ATXN1: variants seen among roughly 807,000 people sequenced by gnomAD.
ATXN1 encodes the protein ataxin-1.
Under a neutral mutation model 56.4 loss-of-function variants are expected in ATXN1, and 8 were observed. That is an observed-to-expected ratio of 0.14 (90% CI 0.08 to 0.26). ATXN1 has a LOEUF of 0.26. Ranked by LOEUF, ATXN1 falls within the 10% of genes least tolerant of loss-of-function variation. The pLI, the probability that ATXN1 is intolerant of heterozygous loss-of-function variation, is 1.00. For synonymous variants in ATXN1, 514 were observed against 494.6 expected (o/e 1.04, Z -0.52); for missense variants, 987 against 1,106.5 (o/e 0.89, Z 1.53).
At chr6:16,331,046 G>T (rs1380382205) in intron 6 of ATXN1, among the ~76,000 whole-genome samples, 1 of 152,086 alleles carries the variant, frequency 6.6e-6, no homozygotes, top group Admixed American at 6.5e-5. Flanking sequence ...TGTCGCCCAG[G>T]CTGGAGGGCA....
At chr6:16,729,607 G>C (rs1400899795) in intron 2 of ATXN1, among the ~76,000 whole-genome samples, 1 of 152,188 alleles carries the variant, frequency 6.6e-6, no homozygotes, top group Non-Finnish European at 1.5e-5. Context: ...GGGAGATGTG[G>C]TTTAGCACCA....
intron 4 of ATXN1, among the ~76,000 whole-genome samples, chr6:16,572,932 T>C (rs1581853452): frequency 6.6e-6 from 1 of 152,192 alleles, no homozygotes; most frequent in East Asian, 1.9e-4. Context: ...CTAAGTAGAA[T>C]GGTGATTTAA....
chr6:16,611,933 C>A (rs575637554), intron 3 of ATXN1, among the ~76,000 whole-genome samples: 1 of 134,548 alleles, frequency 7.4e-6, no homozygotes, highest in East Asian at 2.4e-4. Context: ...CATCTCGGCT[C>A]ACTGCAAGCT....
rs201516255 is a variant in ATXN1 at position 16,326,414 on chromosome 6, C to G, written c.1897G>C (p.Val633Leu). 2 of 1,613,590 alleles carry G rather than the reference C, an allele frequency of 1.2e-6. No individual in the cohort carries two copies. Among genetic ancestry groups the G allele is most frequent in the African/African-American group, 1.3e-5 (1 of 74,902 alleles). The change falls in exon 7 of 8, where the codon GTC (valine) becomes CTC (leucine). Residue 633 changes from valine (V) to leucine (L), a missense_variant. Val to Leu is a conservative substitution (Grantham distance 32). This residue lies in a region of ATXN1 where 68 missense variants were observed against 118.1 expected (regional missense o/e 0.58). Coordinates refer to ENST00000436367, the MANE Select transcript of ATXN1 (RefSeq NM_001128164.2). This position sits in a 1 kb window ranked among gnomAD's most constrained non-coding sequence, Gnocchi z 6.6. The part of the protein sequence containing the change: ...SPGVAVIQFA[V>L]GEHRAQVSVE... The stretch of plus-strand genomic sequence containing the variant: ...GTTACCTGGGCTCGGTGCTCCCCGA[C>G]GGCGAACTGTATCACGGCCACGCCC...
chr6:16,648,432 G>A (rs1177628115), intron 3 of ATXN1, among the ~76,000 whole-genome samples: 1 of 152,206 alleles, frequency 6.6e-6, no homozygotes, highest in Non-Finnish European at 1.5e-5. Context: ...TGGCTCTCAT[G>A]AAAGTGCAAC....
intron 6 of ATXN1, among the ~76,000 whole-genome samples, chr6:16,370,491 A>C (rs1412054811): frequency 1.3e-5 from 2 of 152,362 alleles, no homozygotes; most frequent in Non-Finnish European, 2.9e-5. Flanking sequence ...CTTCAAAACT[A>C]ATATTTCTAA....
intron 2 of ATXN1, among the ~76,000 whole-genome samples, chr6:16,678,325 T>C (rs940278298): frequency 6.6e-6 from 1 of 152,268 alleles, no homozygotes; most frequent in African/African-American, 2.4e-5. Context: ...CAGCCAACTA[T>C]TCAATATTTT....
At chr6:16,348,649 T>C (rs1761495805) in intron 6 of ATXN1, among the ~76,000 whole-genome samples, 2 of 151,878 alleles carry the variant, frequency 1.3e-5, no homozygotes, top group Non-Finnish European at 1.5e-5. Flanking sequence ...GAACCAAGAT[T>C]GTACCATTGC....
At chr6:16,451,452 G>C (rs538684915) in intron 6 of ATXN1, among the ~76,000 whole-genome samples, 1 of 151,930 alleles carries the variant, frequency 6.6e-6, no homozygotes, top group African/African-American at 2.4e-5. Flanking sequence ...GCGACAGAGC[G>C]AGACTCCGTC....
intron 6 of ATXN1, among the ~76,000 whole-genome samples, chr6:16,413,911 C>T (rs1758851869): frequency 6.6e-6 from 1 of 152,122 alleles, no homozygotes; most frequent in East Asian, 1.9e-4. Flanking sequence ...CTTTACATTC[C>T]TATAACATAT....
At chr6:16,337,240 A>G (rs1274434132) in intron 6 of ATXN1, among the ~76,000 whole-genome samples, 1 of 152,204 alleles carries the variant, frequency 6.6e-6, no homozygotes, top group Non-Finnish European at 1.5e-5. Context: ...TGCTATTCGT[A>G]GTGAGCAGAT....
chr6:16,471,191 A>AACACATAC (rs1554150511), intron 6 of ATXN1, among the ~76,000 whole-genome samples: 3 of 148,010 alleles, frequency 2.0e-5, no homozygotes, highest in African/African-American at 7.5e-5. Context: ...TGGCAATTAA[A>AACACATAC]ACACACACAC....
intron 2 of ATXN1, among the ~76,000 whole-genome samples, chr6:16,713,564 T>C (rs1051822842): frequency 5.9e-5 from 9 of 152,102 alleles, no homozygotes; most frequent in Non-Finnish European, 2.9e-5. Flanking sequence ...TGAGAAAACA[T>C]AGAGTGGAGT....
At chr6:16,453,129 T>A (rs551103626) in intron 6 of ATXN1, among the ~76,000 whole-genome samples, 50 of 152,312 alleles carry the variant, frequency 3.3e-4, no homozygotes, top group African/African-American at 1.2e-3. Flanking sequence ...CTGTTTTTGG[T>A]GTGTTTCACT....
intron 3 of ATXN1, chr6:16,615,362 C>G (rs1763189177): frequency 6.6e-6 from 1 of 151,214 alleles, no homozygotes; most frequent in African/African-American, 2.4e-5. Context: ...AGAACTGTTA[C>G]TATCAGAGGC....
chr6:16,368,022 T>C (rs975946576), intron 6 of ATXN1, among the ~76,000 whole-genome samples: 1 of 151,890 alleles, frequency 6.6e-6, no homozygotes, highest in Non-Finnish European at 1.5e-5. Context: ...ACATAAAAAT[T>C]AGCCAGACAT....
At chr6:16,632,667 GA>G (rs58059754) in intron 3 of ATXN1, among the ~76,000 whole-genome samples, 11,463 of 148,150 alleles carry the variant, frequency 0.077, 1,451 homozygotes, top group African/African-American at 0.26. Flanking sequence ...GGGGGGTTAA[GA>G]AAAAAAAAAT....
intron 2 of ATXN1, among the ~76,000 whole-genome samples, chr6:16,674,555 CACTGTATT>C: frequency 6.7e-6 from 1 of 149,128 alleles, no homozygotes; most frequent in East Asian, 1.9e-4. Context: ...GACGGGGTTT[CACTGTATT>C]AGCTAGGCTG....
chr6:16,703,631 GTTTCC>G (rs1487577620), intron 2 of ATXN1, among the ~76,000 whole-genome samples: 1 of 152,136 alleles, frequency 6.6e-6, no homozygotes, highest in Non-Finnish European at 1.5e-5. Context: ...GGGGGTAAAT[GTTTCC>G]TTTCTTTACT....
Sources: gnomAD v4.1 joint callset for allele counts (sites outside exome capture counted in the v4.1 genomes callset) on GRCh38, gnomAD v4.1.1 for gene constraint, gnomAD v4.1.1 regional missense constraint, Gnocchi (gnomAD v3.1) non-coding constraint, MANE v1.5 for transcripts, NCBI Gene and HGNC (gene_info 2026-07-23, HGNC 2026-07-21) for gene names.